Variants in MYO1D observed in about 807,000 individuals in gnomAD.
MYO1D encodes the protein myosin ID.
Under a neutral mutation model 122.0 loss-of-function variants are expected in MYO1D, and 83 were observed. That is an observed-to-expected ratio of 0.68 (90% CI 0.57 to 0.82). The LOEUF (loss-of-function observed/expected upper bound fraction) is 0.82. Ranked by LOEUF, MYO1D falls within the 40% of genes least tolerant of loss-of-function variation. MYO1D has a pLI of 0.00. For synonymous variants in MYO1D, 464 were observed against 446.9 expected (o/e 1.04, Z -0.48); for missense variants, 1,157 against 1,269.5 (o/e 0.91, Z 1.35).
chr17:32,767,694 C>A lies in MYO1D; in HGVS notation c.773G>T (p.Gly258Val). The A allele has an allele frequency of 6.2e-7, 1 of 1,613,914 alleles. No individual in the cohort carries two copies. The highest frequency in any genetic ancestry group is 1.1e-5 in the South Asian group (1 of 91,076). ...RVVADAMKVI[G>V]FKPEEIQTVY... Reference sequence around the variant, plus strand: ...TGTTTGGATCTCCTCAGGTTTGAAGCCAATGACTTTCATGGCATCAGCAAC... The same window carrying A: ...TGTTTGGATCTCCTCAGGTTTGAAGACAATGACTTTCATGGCATCAGCAAC... Residue 258 changes from glycine to valine, a missense_variant, in exon 7 of 22, where the codon GGC becomes GTC. Transcript: ENST00000318217.
intron 14 of MYO1D, among the ~76,000 whole-genome samples, chr17:32,732,550 G>A (rs1282725757): frequency 1.3e-5 from 2 of 152,110 alleles, no homozygotes; most frequent in Non-Finnish European, 2.9e-5. Context: ...TCTCCTCTAT[G>A]CTGAGAGATG....
chr17:32,653,019 G>A (rs1567930937), intron 19 of MYO1D, among the ~76,000 whole-genome samples: 1 of 152,048 alleles, frequency 6.6e-6, no homozygotes, highest in Non-Finnish European at 1.5e-5. Flanking sequence ...GTGGGCGCCT[G>A]TAGTCCCAGC....
At chr17:32,573,011 A>G (rs1216739328) in intron 21 of MYO1D, among the ~76,000 whole-genome samples, 1 of 151,980 alleles carries the variant, frequency 6.6e-6, no homozygotes, top group Non-Finnish European at 1.5e-5. Flanking sequence ...CCCTTTAAGA[A>G]CTGTTTTGTT....
chr17:32,529,935 G>A (rs752493288), intron 21 of MYO1D: 5 of 152,204 alleles, frequency 3.3e-5, no homozygotes, highest in African/African-American at 1.2e-4. Context: ...GCTCCCAGCT[G>A]TATCTCCACT....
chr17:32,540,010 G>A (rs11869081), intron 21 of MYO1D, among the ~76,000 whole-genome samples: 17,990 of 151,942 alleles, frequency 0.12, 1,262 homozygotes, highest in Middle Eastern at 0.18. Context: ...ACTGAATTTC[G>A]TCAAGATCAA....
intron 15 of MYO1D, among the ~76,000 whole-genome samples, chr17:32,718,355 G>C (rs1311706855): frequency 2.0e-5 from 3 of 152,058 alleles, no homozygotes; most frequent in Non-Finnish European, 2.9e-5. Flanking sequence ...GCCTGCTCTT[G>C]AACTTCATAT....
At chr17:32,870,546 A>G (rs1480190351) in intron 1 of MYO1D, among the ~76,000 whole-genome samples, 17 of 151,712 alleles carry the variant, frequency 1.1e-4, no homozygotes, top group Admixed American at 1.1e-3. Context: ...TCACTGCCCC[A>G]ACACACAGTT....
intron 17 of MYO1D, chr17:32,658,887 G>A (rs2088513461): frequency 5.5e-6 from 3 of 548,672 alleles, no homozygotes; most frequent in Non-Finnish European, 9.8e-6. Flanking sequence ...AGGGGTTGTG[G>A]CACATTGCTG....
intron 15 of MYO1D, among the ~76,000 whole-genome samples, chr17:32,713,324 T>C (rs1348985053): frequency 6.6e-6 from 1 of 152,232 alleles, no homozygotes; most frequent in Admixed American, 6.5e-5. Flanking sequence ...GTGATTAACA[T>C]GCTGCCTTTA....
At chr17:32,702,209 A>T (rs1013574315) in intron 16 of MYO1D, among the ~76,000 whole-genome samples, 9 of 152,164 alleles carry the variant, frequency 5.9e-5, no homozygotes, top group Non-Finnish European at 1.0e-4. Flanking sequence ...TTCCTTTCCC[A>T]CTATTATACT....
At chr17:32,605,358 G>C in intron 20 of MYO1D, 117 bp from the exon 21 acceptor site, 2 of 879,550 alleles carry the variant, frequency 2.3e-6, no homozygotes, top group South Asian at 2.7e-5. Flanking sequence ...TACTTGGGAG[G>C]CTGATACAGG....
At chr17:32,649,545 C>T (rs1368399528) in intron 19 of MYO1D, among the ~76,000 whole-genome samples, 1 of 149,496 alleles carries the variant, frequency 6.7e-6, no homozygotes, top group Non-Finnish European at 1.5e-5. Flanking sequence ...CATTGTATGG[C>T]TAAACCACAT....
At chr17:32,553,668 C>G (rs1033683046) in intron 21 of MYO1D, among the ~76,000 whole-genome samples, 2 of 152,204 alleles carry the variant, frequency 1.3e-5, no homozygotes, top group Non-Finnish European at 2.9e-5. Flanking sequence ...ACTTCTTTGA[C>G]AAGTTCTTCT....
chr17:32,533,972 T>C (rs1004409076), intron 21 of MYO1D, among the ~76,000 whole-genome samples: 1 of 152,210 alleles, frequency 6.6e-6, no homozygotes, highest in Non-Finnish European at 1.5e-5. Context: ...TTACTTGTAG[T>C]ATATTAAATG....
At chr17:32,649,567 CTTTTTTTTTT>C (rs35514290) in intron 19 of MYO1D, among the ~76,000 whole-genome samples, 71 of 94,048 alleles carry the variant, frequency 7.5e-4, no homozygotes, top group Non-Finnish European at 1.2e-3. Flanking sequence ...TTCTTTCTTT[CTTTTTTTTTT>C]TTTTTTTTTT....
At chr17:32,506,439 C>CA (rs1419899972) in intron 21 of MYO1D, among the ~76,000 whole-genome samples, 1 of 151,468 alleles carries the variant, frequency 6.6e-6, no homozygotes, top group Non-Finnish European at 1.5e-5. Context: ...AAGCACAGTG[C>CA]AAAAAAATTA....
intron 20 of MYO1D, among the ~76,000 whole-genome samples, chr17:32,623,387 A>G (rs913829271): frequency 1.4e-5 from 2 of 146,904 alleles, no homozygotes; most frequent in African/African-American, 2.5e-5. Context: ...TTTAATGGCT[A>G]CAGTCCAGGA....
chr17:32,664,669 C>T (rs1305021340), intron 16 of MYO1D, among the ~76,000 whole-genome samples: 2 of 152,082 alleles, frequency 1.3e-5, no homozygotes, highest in South Asian at 2.1e-4. Context: ...GACAGAGGAG[C>T]AAGCAAGGGA....
chr17:32,567,147 A>C (rs965613644), intron 21 of MYO1D, among the ~76,000 whole-genome samples: 3 of 152,132 alleles, frequency 2.0e-5, no homozygotes, highest in African/African-American at 7.2e-5. Flanking sequence ...GGGTGGCAGA[A>C]GTCAATAAAT....
Sources: gnomAD v4.1 joint callset for allele counts (sites outside exome capture counted in the v4.1 genomes callset) on GRCh38, gnomAD v4.1.1 for gene constraint, MANE v1.5 for transcripts, NCBI Gene and HGNC (gene_info 2026-07-23, HGNC 2026-07-21) for gene names.